MGAT4C: variants seen among roughly 807,000 people sequenced by gnomAD.
The protein encoded by MGAT4C is alpha-1,3-mannosyl-glycoprotein 4-beta-N-acetylglucosaminyltransferase C.
A neutral mutation model predicts 40.1 loss-of-function variants in MGAT4C; 19 were observed. The observed-to-expected ratio is 0.47, with a 90% CI of 0.33 to 0.70. The LOEUF is 0.70. Among genes scored for constraint, MGAT4C ranks in the 30% least tolerant of loss-of-function variants. The pLI, the probability that MGAT4C is intolerant of heterozygous loss-of-function variation, is 0.02. For synonymous variants in MGAT4C, 181 were observed against 187.1 expected, an observed-to-expected ratio of 0.97 and a Z score of 0.27; for missense variants, 491 against 563.2, an observed-to-expected ratio of 0.87 and a Z score of 1.30.
chr12:86,796,324 T>C (rs542044866), intron 1 of MGAT4C, among the ~76,000 whole-genome samples: 72 of 152,078 alleles, frequency 4.7e-4, no homozygotes, highest in African/African-American at 1.4e-3. Context: ...TTGTGCTAGA[T>C]GTACAGTGGG....
chr12:86,476,457 G>A (rs568366951), intron 2 of MGAT4C, among the ~76,000 whole-genome samples: 1 of 152,176 alleles, frequency 6.6e-6, no homozygotes, highest in South Asian at 2.1e-4. Flanking sequence ...GGATAAAAGG[G>A]AAAGCTTATA....
In MGAT4C at chr12:86,526,901, G is replaced by A. The variant is rs928191740; in HGVS notation, c.-228-91636C>T. ...TGCTGGAATTCTAGAGGCCTGTGGCGAGAGTGGGTTCCTCCTTGCCAGTTC... is the reference window on the plus strand; with the variant it reads ...TGCTGGAATTCTAGAGGCCTGTGGCAAGAGTGGGTTCCTCCTTGCCAGTTC... On this transcript the variant is annotated intron_variant, in intron 2 of 7. Transcript: ENST00000548651. Among the ~76,000 whole-genome samples the A allele has an allele frequency of 4.7e-4, 71 of 152,128 alleles. 1 individual carries two copies. The highest frequency in any genetic ancestry group is 1.9e-4 in the East Asian group (1 of 5,174).
intron 2 of MGAT4C, among the ~76,000 whole-genome samples, chr12:86,726,539 C>T (rs1950824452): frequency 6.6e-6 from 1 of 152,126 alleles, no homozygotes; most frequent in Non-Finnish European, 1.5e-5. Flanking sequence ...ACTATACAAT[C>T]TAAATGTTTC....
At position 85,957,657 on chromosome 12, in the gene MGAT4C, C is replaced by CAAAAAAAAAAAAAAAAA. The variant is rs5799763; in HGVS notation, c.*21631_*21632insTTTTTTTTTTTTTTTTT. 3 of 101,292 alleles carry CAAAAAAAAAAAAAAAAA rather than the reference C, an allele frequency of 3.0e-5. No individual in the cohort carries two copies. The highest frequency in any genetic ancestry group is 1.1e-4 in the Admixed American group (1 of 9,400). The allele number at this position is 101,292 out of a possible 1,614,324, so 6.3% of individuals were successfully genotyped here. On this transcript the variant is annotated 3_prime_UTR_variant, in exon 5 of 5. Coordinates refer to ENST00000611864, the MANE Select transcript of MGAT4C (RefSeq NM_001351288.2). ...TTTACTGTAGAGTTGAATAAGAAAG[C>CAAAAAAAAAAAAAAAAA]AAAAAAAAAAAAAAAAGAAAAAAGA...
intron 2 of MGAT4C, among the ~76,000 whole-genome samples, chr12:86,641,259 T>C (rs921341733): frequency 4.0e-5 from 6 of 151,508 alleles, no homozygotes; most frequent in Non-Finnish European, 7.4e-5. Flanking sequence ...CTCAGTAAAC[T>C]ATTGCAAGAA....
At chr12:86,394,556 T>C (rs1231912142) in intron 3 of MGAT4C, among the ~76,000 whole-genome samples, 1 of 145,188 alleles carries the variant, frequency 6.9e-6, no homozygotes, top group African/African-American at 2.5e-5. Context: ...TATATATTTA[T>C]ATATTTATAT....
At chr12:86,773,705 C>A in intron 1 of MGAT4C, among the ~76,000 whole-genome samples, 1 of 151,720 alleles carries the variant, frequency 6.6e-6, no homozygotes, top group Admixed American at 6.6e-5. Flanking sequence ...ATTTATAAGA[C>A]AAGTGATATA....
At chr12:86,617,051 G>C (rs776520171) in intron 2 of MGAT4C, among the ~76,000 whole-genome samples, 1 of 152,038 alleles carries the variant, frequency 6.6e-6, no homozygotes, top group Non-Finnish European at 1.5e-5. Context: ...CTACAGCAAT[G>C]GACTGTATTT....
At chr12:86,675,972 C>CAA (rs56178472) in intron 2 of MGAT4C, among the ~76,000 whole-genome samples, 2,167 of 145,204 alleles carry the variant, frequency 0.015, 21 homozygotes, top group Middle Eastern at 0.021. Flanking sequence ...GATAAAAAAG[C>CAA]AAAAAAAAAA....
intron 2 of MGAT4C, among the ~76,000 whole-genome samples, chr12:86,489,746 T>G (rs1425833417): frequency 6.6e-6 from 1 of 151,798 alleles, no homozygotes; most frequent in Non-Finnish European, 1.5e-5. Flanking sequence ...TTGTCAGGAG[T>G]CCTGCAAAGG....
At chr12:86,509,933 G>T (rs1198465939) in intron 2 of MGAT4C, among the ~76,000 whole-genome samples, 7 of 152,174 alleles carry the variant, frequency 4.6e-5, no homozygotes, top group Non-Finnish European at 8.8e-5. Flanking sequence ...CTTTGCTGAA[G>T]TTGCTTATCA....
chr12:86,377,406 A>AT (rs2136216997), intron 3 of MGAT4C, among the ~76,000 whole-genome samples: 1 of 152,158 alleles, frequency 6.6e-6, no homozygotes, highest in South Asian at 2.1e-4. Context: ...TTTTCCTATT[A>AT]TTTTAAAATG....
rs189662916 is a variant in MGAT4C, at chr12:86,405,975, A to G, written c.-120+29182T>C. Among the ~76,000 whole-genome samples, 893 of 133,330 alleles carry G rather than the reference A, an allele frequency of 6.7e-3. 17 individuals are homozygous for G. The highest frequency in any genetic ancestry group is 0.024 in the African/African-American group (863 of 36,480). The allele number at this position is 133,330 out of a possible 152,430, so 87.5% of individuals were successfully genotyped here. The stretch of plus-strand genomic sequence containing the variant: ...GTATGTATTTATATTATACATATAT[A>G]TATATATACACAAAAAATATATATT... On this transcript the variant is annotated intron_variant, in intron 3 of 7. Transcript: ENST00000548651.
chr12:86,591,526 A>G (rs1463381038), intron 2 of MGAT4C, among the ~76,000 whole-genome samples: 4 of 152,060 alleles, frequency 2.6e-5, no homozygotes, highest in Non-Finnish European at 1.5e-5. Context: ...CATACTAACT[A>G]AAAGGGATAT....
chr12:86,116,091 A>G (rs1878367075), intron 1 of MGAT4C, among the ~76,000 whole-genome samples: 1 of 152,030 alleles, frequency 6.6e-6, no homozygotes, highest in East Asian at 1.9e-4. Flanking sequence ...ATGTCAAAGA[A>G]TAGCATAAAG....
chr12:86,057,442 C>A (rs1195473805), intron 1 of MGAT4C, among the ~76,000 whole-genome samples: 1 of 152,142 alleles, frequency 6.6e-6, no homozygotes, highest in African/African-American at 2.4e-5. Flanking sequence ...ATATATTTTA[C>A]TCCCACCAAT....
chr12:86,275,944 CAAA>C (rs748476574), intron 4 of MGAT4C, among the ~76,000 whole-genome samples: 29 of 69,190 alleles, frequency 4.2e-4, no homozygotes, highest in African/African-American at 5.9e-4. Flanking sequence ...ACTAAAAATC[CAAA>C]AAAAAAAAAA....
chr12:86,604,962 G>A (rs971245335), intron 2 of MGAT4C, among the ~76,000 whole-genome samples: 4 of 151,994 alleles, frequency 2.6e-5, no homozygotes, highest in Non-Finnish European at 5.9e-5. Context: ...ATTCTCCTTT[G>A]GGAATTCCTT....
chr12:86,764,576 G>C (rs1441683412), intron 1 of MGAT4C, among the ~76,000 whole-genome samples: 1 of 69,674 alleles, frequency 1.4e-5, no homozygotes, highest in African/African-American at 5.1e-5. Flanking sequence ...GTGGGTCCCT[G>C]ACCCCTGACC....
Sources: gnomAD v4.1 joint callset for allele counts (sites outside exome capture counted in the v4.1 genomes callset) on GRCh38, gnomAD v4.1.1 for gene constraint, MANE v1.5 for transcripts, NCBI Gene and HGNC (gene_info 2026-07-23, HGNC 2026-07-21) for gene names.